The following GRIK4 variants were observed in gnomAD, a reference collection of about 807,000 sequenced individuals.
The protein encoded by GRIK4 is glutamate receptor ionotropic, kainate 4.
GRIK4 carries 40 observed loss-of-function variants against 104.9 expected under a neutral mutation model. The observed-to-expected ratio is 0.38, with a 90% CI of 0.30 to 0.50. GRIK4 has a LOEUF of 0.50. Among genes scored for constraint, GRIK4 ranks in the 20% least tolerant of loss-of-function variants. The pLI is 0.93. For synonymous variants in GRIK4, 485 were observed against 524.9 expected (o/e 0.92, Z 1.04); for missense variants, 1,047 against 1,308.1 (o/e 0.80, Z 3.08).
intron 4 of GRIK4, among the ~76,000 whole-genome samples, chr11:120,808,024 G>A (rs1185382662): frequency 6.6e-6 from 1 of 152,196 alleles, no homozygotes; most frequent in African/African-American, 2.4e-5. Context: ...ACCTTAGAAT[G>A]TTGATTGATG....
chr11:120,639,068 G>A (rs1175163552), intron 1 of GRIK4, among the ~76,000 whole-genome samples: 1 of 151,942 alleles, frequency 6.6e-6, no homozygotes, highest in Admixed American at 6.5e-5. Context: ...CATGGTGGTG[G>A]GCGCCTGTAA....
intron 6 of GRIK4, among the ~76,000 whole-genome samples, chr11:120,827,504 G>C (rs1482440947): frequency 6.6e-6 from 1 of 152,242 alleles, no homozygotes; most frequent in Non-Finnish European, 1.5e-5. Context: ...GGTGGAAGTG[G>C]ATGGGGTGTG....
chr11:120,578,208 G>T (rs1948511507), intron 1 of GRIK4, among the ~76,000 whole-genome samples: 1 of 152,184 alleles, frequency 6.6e-6, no homozygotes. Flanking sequence ...TTTGGTTGAA[G>T]TTGATCTCAG....
At chr11:120,707,762 G>A (rs1214517317) in intron 3 of GRIK4, among the ~76,000 whole-genome samples, 1 of 152,184 alleles carries the variant, frequency 6.6e-6, no homozygotes, top group Non-Finnish European at 1.5e-5. Context: ...TGGCTGGCAA[G>A]TTGGTGCTGG....
At chr11:120,515,350 C>A (rs773426944) in intron 1 of GRIK4, among the ~76,000 whole-genome samples, 1 of 152,152 alleles carries the variant, frequency 6.6e-6, no homozygotes, top group Non-Finnish European at 1.5e-5. Flanking sequence ...CTGCCCTCAC[C>A]TGTAAAATGG....
intron 1 of GRIK4, among the ~76,000 whole-genome samples, chr11:120,612,316 G>A (rs943254168): frequency 4.6e-5 from 7 of 152,140 alleles, no homozygotes; most frequent in African/African-American, 1.7e-4. Flanking sequence ...TTGTAGTGTG[G>A]AAGCCTGTTC....
At chr11:120,944,128 T>G (rs764769784) in intron 14 of GRIK4, among the ~76,000 whole-genome samples, 2 of 152,034 alleles carry the variant, frequency 1.3e-5, no homozygotes, top group Admixed American at 6.6e-5. Flanking sequence ...CCATCCTGCT[T>G]TTTAAAAGTC....
intron 3 of GRIK4, among the ~76,000 whole-genome samples, chr11:120,734,342 G>A (rs538540117): frequency 6.6e-6 from 1 of 152,138 alleles, no homozygotes; most frequent in East Asian, 1.9e-4. Context: ...TTTTCCTTCA[G>A]TACTTTAAAT....
intron 13 of GRIK4, among the ~76,000 whole-genome samples, chr11:120,938,796 TC>T (rs1565451038): frequency 6.6e-6 from 1 of 152,192 alleles, no homozygotes; most frequent in Non-Finnish European, 1.5e-5. Flanking sequence ...AAAACATGGC[TC>T]TTAACAATTA....
intron 3 of GRIK4, among the ~76,000 whole-genome samples, chr11:120,776,331 G>T (rs558023800): frequency 6.6e-6 from 1 of 152,168 alleles, no homozygotes; most frequent in African/African-American, 2.4e-5. Flanking sequence ...GTCTGCCCTC[G>T]CTCAGAGGGA....
chr11:120,986,962 T>G lies in GRIK4; in HGVS notation c.*702T>G, dbSNP rs1480612011. The G allele has an allele frequency of 6.6e-6, 1 of 152,258 alleles. No homozygotes were observed. The highest frequency in any genetic ancestry group is 1.5e-5 in the Non-Finnish European group (1 of 68,098). 9.4% of individuals were successfully genotyped at this position (152,258 alleles called of 1,614,324 possible). On this transcript the variant is annotated 3_prime_UTR_variant, in exon 21 of 21. Coordinates refer to ENST00000527524, the MANE Select transcript of GRIK4 (RefSeq NM_014619.5). The stretch of plus-strand genomic sequence containing the variant: ...TGCAGGAGCACAGGAGAAGGAGTCT[T>G]GGGAAGAATCAGATGGAGAGTCTCA...
intron 19 of GRIK4, among the ~76,000 whole-genome samples, chr11:120,971,684 C>T (rs1944478146): frequency 1.3e-5 from 2 of 151,998 alleles, no homozygotes; most frequent in Non-Finnish European, 2.9e-5. Flanking sequence ...GTTTTAATAG[C>T]GGTATAAAGA....
intron 3 of GRIK4, among the ~76,000 whole-genome samples, chr11:120,680,363 G>T (rs117999541): frequency 5.9e-5 from 9 of 151,956 alleles, no homozygotes; most frequent in African/African-American, 2.2e-4. Flanking sequence ...TATTACAGAC[G>T]TGAGCCACTG....
rs952612525 is a variant in GRIK4, at chr11:120,712,235, A to G, written c.82+51835A>G. ...GCTTCTCAGAGGTGATGGAGAAGCC[A>G]GGTCCTGATGTCCAGCCATGCGGTG... On this transcript the variant is annotated intron_variant, in intron 3 of 20. Transcript: ENST00000527524. Among the ~76,000 whole-genome samples, 8 of 152,318 alleles carry G rather than the reference A, an allele frequency of 5.3e-5. No individual in the cohort carries two copies. The East Asian group carries it at 1.5e-3, about 29-fold the overall frequency.
chr11:120,571,449 C>T (rs952344281), intron 1 of GRIK4, among the ~76,000 whole-genome samples: 5 of 152,226 alleles, frequency 3.3e-5, no homozygotes, highest in African/African-American at 1.2e-4. Flanking sequence ...GTTAGTCCCT[C>T]ATCTTGCTGG....
At chr11:120,941,738 C>T (rs902112889) in intron 14 of GRIK4, among the ~76,000 whole-genome samples, 4 of 151,872 alleles carry the variant, frequency 2.6e-5, no homozygotes, top group African/African-American at 4.8e-5. Flanking sequence ...CAAGGGACAC[C>T]GGGTATTGCT....
chr11:120,960,903 AC>A lies in GRIK4; in HGVS notation c.1875-5del. On this transcript the variant is annotated splice_region_variant and splice_polypyrimidine_tract_variant and intron_variant, in intron 16 of 20. Coordinates refer to ENST00000527524, the MANE Select transcript of GRIK4 (RefSeq NM_014619.5). Reference sequence around the variant, plus strand: ...AATGATGACTTCCTCGTCTTTTCCTACATAGGTGGGCATTCACGCTGATCAT... The same window carrying A: ...AATGATGACTTCCTCGTCTTTTCCTAATAGGTGGGCATTCACGCTGATCAT... The A allele has an allele frequency of 1.2e-6, 2 of 1,611,458 alleles. No homozygotes were observed. The highest frequency in any genetic ancestry group is 3.4e-5 in the Admixed American group (2 of 59,506).
intron 2 of GRIK4, among the ~76,000 whole-genome samples, 199 bp downstream of exon 2, chr11:120,653,991 T>C (rs1045565726): frequency 1.3e-5 from 2 of 152,070 alleles, no homozygotes; most frequent in African/African-American, 2.4e-5. Flanking sequence ...GTCAAATAGA[T>C]GGGGAATTTC....
chr11:120,727,747 G>T (rs1417264103), intron 3 of GRIK4, among the ~76,000 whole-genome samples: 1 of 151,856 alleles, frequency 6.6e-6, no homozygotes, highest in African/African-American at 2.4e-5. Flanking sequence ...ATTCAAGAAA[G>T]AATTAGAAAT....
Sources: gnomAD v4.1 joint callset for allele counts (sites outside exome capture counted in the v4.1 genomes callset) on GRCh38, gnomAD v4.1.1 for gene constraint, MANE v1.5 for transcripts, NCBI Gene and HGNC (gene_info 2026-07-23, HGNC 2026-07-21) for gene names.